Variants in PDE1A observed in about 807,000 individuals in gnomAD.
PDE1A encodes phosphodiesterase 1A.
A neutral mutation model predicts 61.7 loss-of-function variants in PDE1A; 35 were observed. The ratio of observed to expected loss-of-function variants is 0.57; its 90% CI spans 0.43 to 0.75. The LOEUF (loss-of-function observed/expected upper bound fraction) is 0.75, where lower values mean the gene tolerates loss of function less well. PDE1A is among the 30% of genes least tolerant of loss of function. PDE1A has a pLI of 0.00. For missense variants in PDE1A, 597 were observed against 630.6 expected, an observed-to-expected ratio of 0.95 and a Z score of 0.57; for synonymous variants, 232 against 213.2, an observed-to-expected ratio of 1.09 and a Z score of -0.77.
At chr2:182,364,908 G>C (rs942453084) in intron 1 of PDE1A, among the ~76,000 whole-genome samples, 1 of 151,898 alleles carries the variant, frequency 6.6e-6, no homozygotes, top group African/African-American at 2.4e-5. Context: ...GGCAAATATT[G>C]GCACTTTCAT....
intron 2 of PDE1A, among the ~76,000 whole-genome samples, chr2:182,434,887 TTAA>T (rs1196404984): frequency 6.6e-6 from 1 of 152,084 alleles, no homozygotes; most frequent in Admixed American, 6.6e-5. Flanking sequence ...CTTAGATTAA[TTAA>T]TAATAATGTT....
At chr2:182,550,710 C>T in the PDE1A span, among the ~76,000 whole-genome samples, 1 of 152,046 alleles carries the variant, frequency 6.6e-6, no homozygotes, top group African/African-American at 2.4e-5. Context: ...TACCTCTGTG[C>T]CAGGTAAAAG....
rs543602637 is a variant in PDE1A at position 182,402,427 on chromosome 2, T to G, written c.53+24151A>C. 5.3e-5 allele frequency among the ~76,000 whole-genome samples: 8 copies of G among 152,210 alleles called. No individual in the cohort carries two copies. The South Asian group carries it at 1.7e-3, about 32-fold the overall frequency. On this transcript the variant is annotated intron_variant, in intron 1 of 13. Transcript: ENST00000351439. ...CTGACAAAAACAAGCAATGGGGAAA[T>G]GATTCCCTGTTTAATAAATGGTATT...
chr2:182,289,236 A>G (rs1295897636), intron 1 of PDE1A, among the ~76,000 whole-genome samples: 1 of 152,106 alleles, frequency 6.6e-6, no homozygotes, highest in East Asian at 1.9e-4. Context: ...TAATGCCTAT[A>G]TTAATGGAGG....
At chr2:182,440,028 A>C (rs1003871717) in intron 2 of PDE1A, among the ~76,000 whole-genome samples, 2 of 152,062 alleles carry the variant, frequency 1.3e-5, no homozygotes, top group African/African-American at 4.8e-5. Flanking sequence ...TCACTTGAAT[A>C]ATCTTTTTTG....
At chr2:182,172,210 T>C (rs1459959172) in intron 13 of PDE1A, among the ~76,000 whole-genome samples, 1 of 151,922 alleles carries the variant, frequency 6.6e-6, no homozygotes, top group Non-Finnish European at 1.5e-5. Context: ...ATATCAGACT[T>C]CCACAAAGTG....
chr2:182,534,173 C>T, the PDE1A span, among the ~76,000 whole-genome samples: 4 of 151,882 alleles, frequency 2.6e-5, no homozygotes, highest in African/African-American at 9.7e-5. Flanking sequence ...GCACAGTTTC[C>T]CATTCCCTTA....
chr2:182,186,087 T>C lies in PDE1A; in HGVS notation c.1329-8A>G. 1 of 1,611,880 alleles carries C rather than the reference T, an allele frequency of 6.2e-7. No homozygotes were observed. On this transcript the variant is annotated splice_region_variant and splice_polypyrimidine_tract_variant and intron_variant, in intron 12 of 13. Transcript: ENST00000351439. The stretch of plus-strand genomic sequence containing the variant: ...CCCACAATGGTGGTTGAGCTAACAG[T>C]AACAACCAAAGAAACCAAAAAACAC...
chr2:182,212,646 AG>A (rs1687734781), intron 7 of PDE1A, among the ~76,000 whole-genome samples: 1 of 152,200 alleles, frequency 6.6e-6, no homozygotes, highest in African/African-American at 2.4e-5. Flanking sequence ...AGTCAAAGAA[AG>A]GGGTGATGGA....
the PDE1A span, among the ~76,000 whole-genome samples, chr2:182,665,557 C>T: frequency 1.3e-5 from 2 of 152,050 alleles, no homozygotes; most frequent in Non-Finnish European, 2.9e-5. Context: ...ATTAAAAAGT[C>T]AGGAAACAAC....
At chr2:182,167,046 G>T (rs939676398), downstream of PDE1A, among the ~76,000 whole-genome samples, 5 of 152,078 alleles carry the variant, frequency 3.3e-5, no homozygotes, top group Admixed American at 3.3e-4. Context: ...ACAGTAAACC[G>T]TTCATGTTCT....
At chr2:182,308,305 A>G (rs1030773993) in intron 1 of PDE1A, among the ~76,000 whole-genome samples, 1 of 152,154 alleles carries the variant, frequency 6.6e-6, no homozygotes, top group African/African-American at 2.4e-5. Context: ...TATAAGAGAA[A>G]TTGCTTTTAT....
intron 13 of PDE1A, among the ~76,000 whole-genome samples, chr2:182,161,965 C>T (rs1691405021): frequency 6.6e-6 from 1 of 152,060 alleles, no homozygotes; most frequent in Admixed American, 6.6e-5. Flanking sequence ...CTGGGGATGC[C>T]TGATCTACCT....
At chr2:182,147,697 T>C (rs1241757591) in intron 13 of PDE1A, among the ~76,000 whole-genome samples, 2 of 152,180 alleles carry the variant, frequency 1.3e-5, no homozygotes, top group African/African-American at 4.8e-5. Flanking sequence ...GGAGAGGTTG[T>C]AGAGAATCTA....
the PDE1A span, among the ~76,000 whole-genome samples, chr2:182,634,338 C>T: frequency 1.3e-5 from 2 of 152,022 alleles, no homozygotes; most frequent in South Asian, 2.1e-4. Flanking sequence ...GTGAACCACA[C>T]GTAATGCAGT....
Position 182,240,048 on chromosome 2 carries a change from A to T in PDE1A, c.350+62T>A, listed in dbSNP as rs1458121315. ...ATATAGACTGCTCATACCCTTGAAA[A>T]AATGAATGTATCTGCTGCCTTTCAA... On this transcript the variant is annotated intron_variant, in intron 3 of 13. Coordinates refer to ENST00000351439, the Ensembl canonical transcript of PDE1A. 3 of 1,449,800 alleles carry T rather than the reference A, an allele frequency of 2.1e-6. No individual in the cohort carries two copies. The East Asian group carries it at 6.8e-5, about 33-fold the overall frequency. 89.8% of individuals were successfully genotyped at this position (1,449,800 alleles called of 1,614,324 possible).
chr2:182,499,074 G>A (rs1244228575), intron 2 of PDE1A, among the ~76,000 whole-genome samples: 9 of 151,154 alleles, frequency 6.0e-5, no homozygotes, highest in Non-Finnish European at 8.8e-5. Flanking sequence ...TGCAACCTCC[G>A]CCTCCTGTGT....
At chr2:182,281,099 A>G (rs377322802) in intron 1 of PDE1A, among the ~76,000 whole-genome samples, 5 of 151,992 alleles carry the variant, frequency 3.3e-5, no homozygotes, top group African/African-American at 9.7e-5. Flanking sequence ...CAGAAAGTCC[A>G]TTTAGATAGT....
rs979680154 is a variant in PDE1A at position 182,374,897 on chromosome 2, G to A, written c.53+51681C>T. ...TGGCTGGGGAAGCCTCACAATCATGGTGGAAGGCAAGGAGAAAGTTTCGTC... is the reference window on the plus strand; with the variant it reads ...TGGCTGGGGAAGCCTCACAATCATGATGGAAGGCAAGGAGAAAGTTTCGTC... On this transcript the variant is annotated intron_variant, in intron 1 of 13. Transcript: ENST00000351439. Among the ~76,000 whole-genome samples, 111 of 152,194 alleles carry A rather than the reference G, an allele frequency of 7.3e-4. 7 individuals are homozygous for A. The highest frequency in any genetic ancestry group is 2.9e-5 in the Non-Finnish European group (2 of 68,048).
Sources: allele counts gnomAD v4.1 joint callset (sites outside exome capture counted in the v4.1 genomes callset), GRCh38; gene constraint gnomAD v4.1.1; transcripts MANE v1.5; gene names NCBI Gene and HGNC (gene_info 2026-07-23, HGNC 2026-07-21).